TANGO6: variants seen among roughly 807,000 people sequenced by gnomAD.
The protein encoded by TANGO6 is transport and golgi organization 6 homolog.
TANGO6 carries 90 observed loss-of-function variants against 114.2 expected under a neutral mutation model. That is an observed-to-expected ratio of 0.79 (90% confidence interval 0.66 to 0.94). The LOEUF (loss-of-function observed/expected upper bound fraction) is 0.94. Among genes scored for constraint, TANGO6 ranks in the 40% least tolerant of loss-of-function variants. The pLI is 0.00. For missense variants in TANGO6, 1,274 were observed against 1,315.3 expected (o/e 0.97, Z 0.49); for synonymous variants, 477 against 509.8 (o/e 0.94, Z 0.87).
At chr16:69,053,407 A>G (rs1037521668) in intron 17 of TANGO6, among the ~76,000 whole-genome samples, 1 of 152,146 alleles carries the variant, frequency 6.6e-6, no homozygotes, top group Non-Finnish European at 1.5e-5. Context: ...AAGTTAATAA[A>G]TGTTTCATGT....
intron 2 of TANGO6, among the ~76,000 whole-genome samples, chr16:68,862,460 G>A (rs1156642760): frequency 1.3e-5 from 2 of 151,946 alleles, no homozygotes; most frequent in Non-Finnish European, 2.9e-5. Flanking sequence ...GCCTCCCAAA[G>A]TGCTGGGATT....
At chr16:68,980,383 T>TTCTCTCTCTC (rs143061953) in intron 15 of TANGO6, among the ~76,000 whole-genome samples, 1,141 of 36,754 alleles carry the variant, frequency 0.031, 78 homozygotes, top group Non-Finnish European at 0.047. Context: ...CTGTCTGTCA[T>TTCTCTCTCTC]TCTCTCTCTC....
At chr16:68,900,582 TGTGAC>T (rs770440511) in intron 8 of TANGO6, 36 bp downstream of exon 8, 1 of 1,482,846 alleles carries the variant, frequency 6.7e-7, no homozygotes, top group Admixed American at 2.0e-5. Context: ...GTTTATAAAT[TGTGAC>T]GTCTTTTTTG....
intron 3 of TANGO6, among the ~76,000 whole-genome samples, chr16:68,865,963 G>A (rs2152160950): frequency 6.6e-6 from 1 of 152,178 alleles, no homozygotes; most frequent in East Asian, 1.9e-4. Flanking sequence ...TGTGTCACAG[G>A]AATCAGAGTT....
At chr16:68,910,682 A>G (rs941747494) in intron 11 of TANGO6, among the ~76,000 whole-genome samples, 2 of 152,100 alleles carry the variant, frequency 1.3e-5, no homozygotes, top group African/African-American at 4.8e-5. Flanking sequence ...GTTTTGTTTT[A>G]TTATTATTTT....
At chr16:69,036,556 A>G (rs1165711368) in intron 16 of TANGO6, among the ~76,000 whole-genome samples, 4 of 152,134 alleles carry the variant, frequency 2.6e-5, no homozygotes, top group African/African-American at 7.2e-5. Context: ...AGTCTGGCGC[A>G]TAAGTCACTA....
chr16:69,063,656 A>AC (rs1567568882), intron 17 of TANGO6, among the ~76,000 whole-genome samples: 2 of 147,564 alleles, frequency 1.4e-5, no homozygotes, highest in Non-Finnish European at 3.0e-5. Context: ...AAAAAAAAAA[A>AC]AAAAAAAAAA....
At chr16:68,976,813 G>A (rs572066743) in intron 15 of TANGO6, among the ~76,000 whole-genome samples, 1 of 152,320 alleles carries the variant, frequency 6.6e-6, no homozygotes, top group East Asian at 1.9e-4. Context: ...AAGTATAGCT[G>A]TTGGTGGTTA....
At chr16:69,046,717 G>T (rs552493338) in intron 17 of TANGO6, among the ~76,000 whole-genome samples, 1 of 152,078 alleles carries the variant, frequency 6.6e-6, no homozygotes, top group East Asian at 1.9e-4. Flanking sequence ...AAATAGAAAT[G>T]ATTTTAAAAG....
chr16:69,042,779 T>C (rs1186901105), intron 17 of TANGO6, among the ~76,000 whole-genome samples: 1 of 152,208 alleles, frequency 6.6e-6, no homozygotes, highest in Admixed American at 6.5e-5. Context: ...TCAGTGTTTT[T>C]CATCCATTGT....
At chr16:68,851,301 A>G (rs571400009) in intron 1 of TANGO6, among the ~76,000 whole-genome samples, 1 of 152,194 alleles carries the variant, frequency 6.6e-6, no homozygotes, top group East Asian at 1.9e-4. Context: ...CTGGGATTAC[A>G]GGTGCCTGCC....
rs767447823 is a variant in TANGO6, at chr16:68,867,270, CAG to C, written c.994+53_994+54del. ...CTTTGGTATCTGTTTTCCTTTGAGT[CAG>C]AGTCTGAGGTGAATTATTGGTCTTT... On this transcript the variant is annotated intron_variant, in intron 4 of 17. Coordinates refer to ENST00000261778, the MANE Select transcript of TANGO6 (RefSeq NM_024562.2). The C allele has an allele frequency of 2.5e-6, 4 of 1,610,356 alleles. No homozygotes were observed. The East Asian group carries it at 8.9e-5, about 36-fold the overall frequency.
chr16:68,932,599 A>G (rs185292635), intron 14 of TANGO6, among the ~76,000 whole-genome samples: 3 of 152,218 alleles, frequency 2.0e-5, no homozygotes, highest in Non-Finnish European at 4.4e-5. Context: ...AGCCTGGCCA[A>G]CATGGTGAAA....
intron 2 of TANGO6, 62 bp from the exon 3 acceptor site, chr16:68,862,883 C>A: frequency 8.8e-7 from 1 of 1,139,712 alleles, no homozygotes; most frequent in Non-Finnish European, 1.3e-6. Flanking sequence ...TGTTGTAAAA[C>A]TTTACCTTCT....
chr16:68,949,819 A>T (rs900303433), intron 14 of TANGO6, among the ~76,000 whole-genome samples: 18 of 151,472 alleles, frequency 1.2e-4, no homozygotes, highest in Admixed American at 2.6e-4. Context: ...ATATGTCCAC[A>T]CAAAAGTTTA....
intron 14 of TANGO6, among the ~76,000 whole-genome samples, chr16:68,973,410 C>T (rs1045991768): frequency 6.6e-6 from 1 of 152,072 alleles, no homozygotes; most frequent in Non-Finnish European, 1.5e-5. Context: ...TTGAGGCCAA[C>T]CAGGGGTTTT....
intron 7 of TANGO6, among the ~76,000 whole-genome samples, chr16:68,892,944 G>A (rs1208336870): frequency 6.6e-6 from 1 of 152,114 alleles, no homozygotes; most frequent in Non-Finnish European, 1.5e-5. Flanking sequence ...TTGGTATTTT[G>A]TTTGGGGATC....
intron 7 of TANGO6, chr16:68,900,094 A>T: frequency 4.5e-6 from 1 of 224,532 alleles, no homozygotes. Context: ...GCAGTAGGAC[A>T]GTTATCATAT....
At chr16:69,078,159 G>C (rs1960415195) in intron 17 of TANGO6, among the ~76,000 whole-genome samples, 1 of 152,192 alleles carries the variant, frequency 6.6e-6, no homozygotes, top group African/African-American at 2.4e-5. Flanking sequence ...CAAAGGCCTT[G>C]AGAGGAGCTT....
Sources: gnomAD v4.1 joint callset for allele counts (sites outside exome capture counted in the v4.1 genomes callset) on GRCh38, gnomAD v4.1.1 for gene constraint, MANE v1.5 for transcripts, NCBI Gene and HGNC (gene_info 2026-07-23, HGNC 2026-07-21) for gene names.